SGK1: variants seen among roughly 807,000 people sequenced by gnomAD.
The protein encoded by SGK1 is serum/glucocorticoid regulated kinase 1.
A neutral mutation model predicts 64.2 loss-of-function variants in SGK1; 26 were observed. That is an observed-to-expected ratio of 0.40 (90% CI 0.30 to 0.56). The LOEUF (loss-of-function observed/expected upper bound fraction) is 0.56, where lower values mean the gene tolerates loss of function less well. Ranked by LOEUF, SGK1 falls within the 20% of genes least tolerant of loss-of-function variation. SGK1 has a pLI of 0.38. For synonymous variants in SGK1, 265 were observed against 239.7 expected (o/e 1.11, Z -0.98); for missense variants, 519 against 645.6 (o/e 0.80, Z 2.12).
rs559492875 is a variant in SGK1, at chr6:134,193,543, T to G, written c.361+13813A>C. On this transcript the variant is annotated intron_variant, in intron 3 of 13. Transcript: ENST00000367858. Reference sequence around the variant, plus strand: ...TTTTTTTCTAGCCCCACTTCCAGTTTGTTTCCACAGTACTTAGAGTGAGTT... The same window carrying G: ...TTTTTTTCTAGCCCCACTTCCAGTTGGTTTCCACAGTACTTAGAGTGAGTT... Among the ~76,000 whole-genome samples the G allele has an allele frequency of 6.6e-5, 10 of 152,002 alleles. No homozygotes were observed. The East Asian group carries it at 2.0e-3, about 30-fold the overall frequency.
chr6:134,240,418 G>A (rs1242591002), intron 2 of SGK1, among the ~76,000 whole-genome samples: 2 of 152,084 alleles, frequency 1.3e-5, no homozygotes, highest in Non-Finnish European at 1.5e-5. Context: ...TGGAGCTAGA[G>A]ATGTATAGTG....
At chr6:134,191,770 T>C (rs1429393609) in intron 3 of SGK1, among the ~76,000 whole-genome samples, 2 of 150,348 alleles carry the variant, frequency 1.3e-5, no homozygotes, top group Admixed American at 1.3e-4. Flanking sequence ...CTGGGTTCAA[T>C]GGATTCTCCT....
chr6:134,179,943 GC>G (rs1330917211), intron 3 of SGK1, among the ~76,000 whole-genome samples: 2 of 151,928 alleles, frequency 1.3e-5, no homozygotes, highest in Non-Finnish European at 2.9e-5. Flanking sequence ...GGAATGAGAA[GC>G]TTTTTTTGTT....
intron 13 of SGK1, 158 bp downstream of exon 13, chr6:134,170,668 G>T (rs182988641): frequency 5.7e-6 from 4 of 706,236 alleles, no homozygotes; most frequent in Non-Finnish European, 9.6e-6. Flanking sequence ...TGGGAGCCTT[G>T]TTGGGACACA....
chr6:134,177,834 C>T, intron 3 of SGK1: 1 of 1,608,046 alleles, frequency 6.2e-7, no homozygotes, highest in Non-Finnish European at 8.5e-7. Context: ...AGAGCACGAG[C>T]CAGAGACGGC....
At chr6:134,180,915 C>T (rs1775321716) in intron 3 of SGK1, among the ~76,000 whole-genome samples, 1 of 151,474 alleles carries the variant, frequency 6.6e-6, no homozygotes, top group Non-Finnish European at 1.5e-5. Flanking sequence ...TTTTGGCATG[C>T]CTTTACTGTT....
intron 1 of SGK1, among the ~76,000 whole-genome samples, chr6:134,266,040 G>A (rs1238373025): frequency 6.6e-6 from 1 of 151,890 alleles, no homozygotes; most frequent in Admixed American, 6.6e-5. Context: ...CTGGAGTGCA[G>A]TGGCGCGATC....
intron 2 of SGK1, among the ~76,000 whole-genome samples, chr6:134,241,941 C>T (rs1378366282): frequency 6.6e-6 from 1 of 151,952 alleles, no homozygotes; most frequent in Admixed American, 6.6e-5. Context: ...TATGAAGTTA[C>T]AATCCTGTGT....
intron 3 of SGK1, among the ~76,000 whole-genome samples, chr6:134,196,381 G>T (rs968323440): frequency 6.6e-6 from 1 of 151,888 alleles, no homozygotes; most frequent in Admixed American, 6.6e-5. Flanking sequence ...GATCACTTGA[G>T]CCCAGGAGTT....
chr6:134,251,505 G>A (rs1299583662), intron 2 of SGK1, among the ~76,000 whole-genome samples: 1 of 152,166 alleles, frequency 6.6e-6, no homozygotes, highest in Non-Finnish European at 1.5e-5. Flanking sequence ...TGTAACTGCT[G>A]GCTAGAGATT....
chr6:134,183,862 C>T (rs1775375647), intron 3 of SGK1, among the ~76,000 whole-genome samples: 2 of 135,146 alleles, frequency 1.5e-5, no homozygotes, highest in South Asian at 5.8e-4. Flanking sequence ...CACCCCCACC[C>T]CCCACCCCCG....
chr6:134,304,488 C>T (rs1053211749), intron 1 of SGK1, among the ~76,000 whole-genome samples: 2 of 152,076 alleles, frequency 1.3e-5, no homozygotes, highest in Non-Finnish European at 2.9e-5. Flanking sequence ...CACGTCTCTA[C>T]TAAAGATATA....
intron 3 of SGK1, among the ~76,000 whole-genome samples, chr6:134,180,821 A>G (rs1478066704): frequency 6.6e-6 from 1 of 151,556 alleles, no homozygotes; most frequent in Non-Finnish European, 1.5e-5. Context: ...TCAGTGAGCC[A>G]AGATCTTGCC....
chr6:134,243,589 G>A (rs1015589821), intron 2 of SGK1, among the ~76,000 whole-genome samples: 8 of 152,238 alleles, frequency 5.3e-5, no homozygotes, highest in African/African-American at 4.8e-5. Flanking sequence ...GGCTGGTCTC[G>A]AACTCCTGGC....
intron 2 of SGK1, among the ~76,000 whole-genome samples, chr6:134,219,304 G>A (rs900344569): frequency 2.6e-4 from 39 of 152,066 alleles, no homozygotes; most frequent in Admixed American, 2.6e-3. Flanking sequence ...GAGCCACCGT[G>A]CCTGGCCCTA....
intron 2 of SGK1, among the ~76,000 whole-genome samples, chr6:134,207,751 C>G (rs1775817223): frequency 6.6e-6 from 1 of 152,294 alleles, no homozygotes; most frequent in South Asian, 2.1e-4. Flanking sequence ...AACTGCACAG[C>G]CGTATGAAGA....
chr6:134,301,905 A>C (rs1777464639), intron 1 of SGK1, among the ~76,000 whole-genome samples: 1 of 152,204 alleles, frequency 6.6e-6, no homozygotes. Flanking sequence ...GGTAAACTGA[A>C]AGGGAAAGTT....
chr6:134,174,814 C>G (rs901475537), intron 3 of SGK1: 1 of 1,613,984 alleles, frequency 6.2e-7, no homozygotes, highest in African/African-American at 1.3e-5. Context: ...TCATCACCAC[C>G]GCGGGGAGAC....
chr6:134,199,490 C>T (rs1365800826), intron 3 of SGK1, among the ~76,000 whole-genome samples: 3 of 140,434 alleles, frequency 2.1e-5, no homozygotes, highest in African/African-American at 7.9e-5. Flanking sequence ...ACCTGAAAGG[C>T]GGAGGTTGCA....
Sources: allele counts gnomAD v4.1 joint callset (sites outside exome capture counted in the v4.1 genomes callset), GRCh38; gene constraint gnomAD v4.1.1; transcripts MANE v1.5; gene names NCBI Gene and HGNC (gene_info 2026-07-23, HGNC 2026-07-21).